The following DENND4A variants were observed in gnomAD, a reference collection of about 807,000 sequenced individuals.
The protein encoded by DENND4A is DENN domain containing 4A, also known as C-myc promoter-binding protein.
DENND4A carries 70 observed loss-of-function variants against 199.3 expected under a neutral mutation model. The observed-to-expected ratio is 0.35, with a 90% CI of 0.29 to 0.43. The LOEUF is 0.43. Ranked by LOEUF, DENND4A falls within the 20% of genes least tolerant of loss-of-function variation. The pLI is 1.00. For synonymous variants in DENND4A, 686 were observed against 766.9 expected (o/e 0.89, Z 1.74); for missense variants, 1,723 against 2,255.8 (o/e 0.76, Z 4.78).
Position 65,782,069 on chromosome 15 carries a change from A to G in DENND4A, c.-102+9941T>C, listed in dbSNP as rs2077449592. ...TTAGGGCCCCACAAGGGCCCTTGTC[A>G]TTGATACAGACAACTCTATTTTCTC... On this transcript the variant is annotated intron_variant, in intron 1 of 32. Coordinates refer to ENST00000443035, the MANE Select transcript of DENND4A (RefSeq NM_001320835.1). Among the ~76,000 whole-genome samples, 6 of 152,252 alleles carry G rather than the reference A, an allele frequency of 3.9e-5. No homozygotes were observed. The South Asian group carries it at 1.2e-3, about 32-fold the overall frequency.
In DENND4A at chr15:65,756,186, G is replaced by A. The variant is rs763894976; in HGVS notation, c.265C>T (p.Leu89Phe). Reference protein sequence around the residue: ...NGSLVGPQIYLCYRRGRDKPP... With the variant: ...NGSLVGPQIYFCYRRGRDKPP... ...TTATCTCTTCCTCTTCTATAGCAAA[G>A]GTAAATCTGTGGCCCCACAAGACTT... is the stretch of plus-strand genomic sequence containing the variant. Residue 89 changes from leucine (L) to phenylalanine (F), a missense_variant, in exon 3 of 33, where the codon CTT becomes TTT. Transcript: ENST00000443035. 82 of 1,611,352 alleles carry A rather than the reference G, an allele frequency of 5.1e-5. No individual in the cohort carries two copies. The highest frequency in any genetic ancestry group is 7.0e-5 in the Non-Finnish European group (82 of 1,178,622).
intron 14 of DENND4A, among the ~76,000 whole-genome samples, chr15:65,712,584 T>C (rs1169264422): frequency 6.6e-6 from 1 of 152,218 alleles, no homozygotes; most frequent in Non-Finnish European, 1.5e-5. Context: ...ACTATTTTCC[T>C]ATTCATAGTG....
Position 65,664,543 on chromosome 15 carries a change from C to CTG in DENND4A, c.5522+16_5522+17insCA. 1.9e-6 allele frequency: 3 copies of CTG among 1,606,298 alleles called. No individual in the cohort carries two copies. Among genetic ancestry groups the CTG allele is most frequent in the Non-Finnish European group, 2.6e-6 (3 of 1,175,220 alleles). ...CTGCCTAGGAGAACAATATATTCGT[C>CTG]TAAGAGAAGGACTTACCTCTGTCTT... On this transcript the variant is annotated intron_variant, in intron 31 of 32. Transcript: ENST00000443035.
At chr15:65,724,114 G>C (rs1464949414) in intron 11 of DENND4A, among the ~76,000 whole-genome samples, 2 of 152,004 alleles carry the variant, frequency 1.3e-5, no homozygotes, top group Non-Finnish European at 2.9e-5. Flanking sequence ...GTGGAGTGCA[G>C]TGGCATGATC....
chr15:65,764,457 C>A (rs545621412), intron 1 of DENND4A, among the ~76,000 whole-genome samples: 40 of 152,042 alleles, frequency 2.6e-4, no homozygotes, highest in Admixed American at 5.9e-4. Flanking sequence ...AGGGCGAAAC[C>A]CCATCTCTAC....
chr15:65,684,383 C>T (rs1380322965), intron 23 of DENND4A, among the ~76,000 whole-genome samples: 1 of 152,226 alleles, frequency 6.6e-6, no homozygotes, highest in East Asian at 1.9e-4. Flanking sequence ...CACTTGTCAT[C>T]ATCTTTTGGA....
At chr15:65,676,141 A>AAAATATATATATATATATATATATATAT (rs1362535499) in intron 24 of DENND4A, among the ~76,000 whole-genome samples, 2 of 110,460 alleles carry the variant, frequency 1.8e-5, no homozygotes, top group East Asian at 6.1e-4. Context: ...AATAAGGAAA[A>AAAATATATATATATATATATATATATAT]ATATATATAT....
chr15:65,742,450 A>ATTTTT (rs772887480), intron 4 of DENND4A, among the ~76,000 whole-genome samples: 1 of 134,428 alleles, frequency 7.4e-6, no homozygotes, highest in African/African-American at 2.7e-5. Context: ...TGACTGGCTG[A>ATTTTT]TTTTTTTTTT....
At chr15:65,747,945 C>A (rs575458816) in intron 4 of DENND4A, among the ~76,000 whole-genome samples, 17 of 145,388 alleles carry the variant, frequency 1.2e-4, no homozygotes, top group Admixed American at 5.1e-4. Flanking sequence ...GAGGCTGAGG[C>A]AGGAGAATCA....
At chr15:65,767,275 T>C (rs1205232517) in intron 1 of DENND4A, 1 of 152,190 alleles carries the variant, frequency 6.6e-6, no homozygotes, top group East Asian at 1.9e-4. Flanking sequence ...GGCATAAAAA[T>C]TAACCAGCTT....
At chr15:65,780,349 G>T (rs1329871206) in intron 1 of DENND4A, among the ~76,000 whole-genome samples, 1 of 152,152 alleles carries the variant, frequency 6.6e-6, no homozygotes, top group Admixed American at 6.5e-5. Context: ...ATTAAATGAA[G>T]ATTAAAAGTA....
chr15:65,740,406 T>C (rs1289886805), intron 5 of DENND4A, among the ~76,000 whole-genome samples: 1 of 149,610 alleles, frequency 6.7e-6, no homozygotes, highest in African/African-American at 2.5e-5. Context: ...GCGAAGGAGT[T>C]CAAGAGCAAC....
chr15:65,776,555 A>G (rs888599968), intron 1 of DENND4A, among the ~76,000 whole-genome samples: 6 of 152,150 alleles, frequency 3.9e-5, no homozygotes, highest in Non-Finnish European at 7.4e-5. Context: ...TAGAAAGTCT[A>G]TTTACCTACA....
chr15:65,761,532 G>A (rs1184413516), intron 1 of DENND4A, 94 bp from the exon 2 acceptor site: 1 of 152,096 alleles, frequency 6.6e-6, no homozygotes, highest in Non-Finnish European at 1.5e-5. Flanking sequence ...TGTTAACAGT[G>A]ATAATTACTA....
Position 65,752,565 on chromosome 15 carries a change from A to G in DENND4A, c.375T>C (p.Tyr125=). 1.2e-6 allele frequency: 2 copies of G among 1,609,268 alleles called. No individual in the cohort carries two copies. The highest frequency in any genetic ancestry group is 2.7e-5 in the African/African-American group (2 of 74,976). Residue 125 remains tyrosine, a synonymous_variant, in exon 4 of 33, where the codon TAT becomes TAC. Transcript: ENST00000443035. ...QGCEIIQSTP[Y]GRPANISGST... is the part of the protein sequence containing the mutation. The stretch of plus-strand genomic sequence containing the variant: ...TCCCACTAATATTTGCGGGGCGCCC[A>G]TAGGGAGTACTCTGAATAATTTCAC...
rs889134713 is a variant in DENND4A at position 65,712,681 on chromosome 15, C to G, written c.1953+2797G>C. ...TTTTATGTTAAACTAAGAACTGAAC[C>G]AATTTATGAATATCAAGGGATGAGT... On this transcript the variant is annotated intron_variant, in intron 14 of 32. Coordinates refer to ENST00000443035, the MANE Select transcript of DENND4A (RefSeq NM_001320835.1). Among the ~76,000 whole-genome samples the G allele has an allele frequency of 3.3e-5, 5 of 151,736 alleles. No individual in the cohort carries two copies. The East Asian group carries it at 5.8e-4, about 18-fold the overall frequency.
At chr15:65,772,073 G>A in intron 1 of DENND4A, 5 of 1,207,126 alleles carry the variant, frequency 4.1e-6, no homozygotes, top group Non-Finnish European at 6.1e-6. Flanking sequence ...CCTTCTCGCG[G>A]TTGCCAGCAT....
At chr15:65,697,777 C>T (rs1272847935) in intron 20 of DENND4A, among the ~76,000 whole-genome samples, 1 of 152,164 alleles carries the variant, frequency 6.6e-6, no homozygotes, top group African/African-American at 2.4e-5. Context: ...TATAACAGAA[C>T]ATTCATACAT....
chr15:65,735,889 C>T (rs1215577344), intron 7 of DENND4A, among the ~76,000 whole-genome samples: 4 of 151,990 alleles, frequency 2.6e-5, no homozygotes, highest in Non-Finnish European at 4.4e-5. Flanking sequence ...GTCAGGAGTT[C>T]GAGACCAGCC....
Sources: gnomAD v4.1 joint callset for allele counts (sites outside exome capture counted in the v4.1 genomes callset) on GRCh38, gnomAD v4.1.1 for gene constraint, MANE v1.5 for transcripts, NCBI Gene and HGNC (gene_info 2026-07-23, HGNC 2026-07-21) for gene names.